NR1D2: variants seen among roughly 807,000 people sequenced by gnomAD.
The protein encoded by NR1D2 is nuclear receptor subfamily 1 group D member 2.
In NR1D2, 25 loss-of-function variants were observed where a neutral mutation model predicts 52.2. The observed-to-expected ratio is 0.48, with a 90% CI of 0.35 to 0.67. The LOEUF (loss-of-function observed/expected upper bound fraction) is 0.67, where lower values mean the gene tolerates loss of function less well. Among genes scored for constraint, NR1D2 ranks in the 30% least tolerant of loss-of-function variants. NR1D2 has a pLI of 0.01. For missense variants in NR1D2, 681 were observed against 707.2 expected, an observed-to-expected ratio of 0.96 and a Z score of 0.42; for synonymous variants, 259 against 230.1, an observed-to-expected ratio of 1.13 and a Z score of -1.14.
chr3:23,980,275 T>C lies in NR1D2; in HGVS notation c.*2856T>C, dbSNP rs1478323398. On this transcript the variant is annotated 3_prime_UTR_variant, in exon 8 of 8. Coordinates refer to ENST00000312521, the MANE Select transcript of NR1D2 (RefSeq NM_005126.5). Reference sequence around the variant, plus strand: ...TAAATACCTATCTCAATTATTCTTTTTCTTTTCCAATATAAAGTTTGCTGA... The same window carrying C: ...TAAATACCTATCTCAATTATTCTTTCTCTTTTCCAATATAAAGTTTGCTGA... 1 of 152,200 alleles carries C rather than the reference T, an allele frequency of 6.6e-6. No individual in the cohort carries two copies. The highest frequency in any genetic ancestry group is 2.4e-5 in the African/African-American group (1 of 41,460). 9.4% of individuals were successfully genotyped at this position (152,200 alleles called of 1,614,324 possible). A position where few individuals can be genotyped will look rare whatever the true frequency, so the allele number is the denominator to read the frequency against.
intron 4 of NR1D2, among the ~76,000 whole-genome samples, chr3:23,960,727 A>C (rs6779476): frequency 0.72 from 109,232 of 152,076 alleles, 39,658 homozygotes; most frequent in Middle Eastern, 0.81. Context: ...AATGCTATAA[A>C]AATAGTTGAT....
At chr3:23,963,753 G>C (rs1217425775) in intron 5 of NR1D2, among the ~76,000 whole-genome samples, 1 of 151,856 alleles carries the variant, frequency 6.6e-6, no homozygotes, top group African/African-American at 2.4e-5. Flanking sequence ...CTGGCCAAGT[G>C]GCTGCCTTAA....
chr3:23,978,779 T>C lies in NR1D2; in HGVS notation c.*1360T>C, dbSNP rs1014227070. 2 of 152,148 alleles carry C rather than the reference T, an allele frequency of 1.3e-5. No individual in the cohort carries two copies. Among genetic ancestry groups the C allele is most frequent in the African/African-American group, 4.8e-5 (2 of 41,456 alleles). 9.4% of individuals were successfully genotyped at this position (152,148 alleles called of 1,614,324 possible). A position where few individuals can be genotyped will look rare whatever the true frequency, so the allele number is the denominator to read the frequency against. On this transcript the variant is annotated 3_prime_UTR_variant, in exon 8 of 8. Coordinates refer to ENST00000312521, the MANE Select transcript of NR1D2 (RefSeq NM_005126.5). The stretch of plus-strand genomic sequence containing the variant: ...ACTACAGGGATTTTGTCATATTAGA[T>C]TTAATTTATAATTTGAAAAATCATC...
intron 1 of NR1D2, among the ~76,000 whole-genome samples, chr3:23,948,794 G>A (rs963464178): frequency 6.6e-6 from 1 of 152,206 alleles, no homozygotes; most frequent in Non-Finnish European, 1.5e-5. Flanking sequence ...GTGCTATAAT[G>A]TACTTTAGCC....
intron 1 of NR1D2, among the ~76,000 whole-genome samples, chr3:23,952,645 G>T (rs1204511715): frequency 6.6e-6 from 1 of 151,484 alleles, no homozygotes; most frequent in African/African-American, 2.4e-5. Flanking sequence ...AGAATCGCAT[G>T]AACCCGGGAG....
At chr3:23,946,204 G>A in intron 1 of NR1D2, 1 of 985,436 alleles carries the variant, frequency 1.0e-6, no homozygotes, top group Non-Finnish European at 1.2e-6. Flanking sequence ...CGTCCCCGAA[G>A]CGGGCGCTGA....
intron 1 of NR1D2, among the ~76,000 whole-genome samples, chr3:23,950,902 C>CTTTTTCTTTT (rs1351954635): frequency 5.7e-5 from 7 of 123,098 alleles, no homozygotes; most frequent in African/African-American, 2.0e-4. Flanking sequence ...CTTTCTTTTT[C>CTTTTTCTTTT]TTTTTTTTTT....
At chr3:23,959,153 A>G (rs1706169981) in intron 3 of NR1D2, among the ~76,000 whole-genome samples, 1 of 151,888 alleles carries the variant, frequency 6.6e-6, no homozygotes, top group Non-Finnish European at 1.5e-5. Flanking sequence ...CTGTAGTCCC[A>G]GCTGTTTGTG....
At chr3:23,964,816 A>T (rs1192645526) in intron 5 of NR1D2, 161 bp from the exon 6 acceptor site, 1 of 554,254 alleles carries the variant, frequency 1.8e-6, no homozygotes, top group Non-Finnish European at 3.2e-6. Context: ...TTTCTACAGT[A>T]TGGTGGGCAG....
intron 2 of NR1D2, among the ~76,000 whole-genome samples, chr3:23,955,501 G>T (rs1242171530): frequency 6.6e-6 from 1 of 152,136 alleles, no homozygotes; most frequent in Non-Finnish European, 1.5e-5. Flanking sequence ...GGTCAGCGAG[G>T]TATTTTTGTC....
chr3:23,959,738 C>G lies in NR1D2; in HGVS notation c.440C>G (p.Ser147Cys). The G allele has an allele frequency of 1.9e-6, 3 of 1,613,802 alleles. No homozygotes were observed. Among genetic ancestry groups the G allele is most frequent in the South Asian group, 1.1e-5 (1 of 91,048 alleles). Residue 147 changes from serine to cysteine, a missense_variant, in exon 4 of 8, where the codon TCT (serine) becomes TGT (cysteine). Physicochemically the swap from Ser to Cys is moderately radical, Grantham distance 112. Around this residue, in one of 3 missense-constraint regions of NR1D2, gnomAD observed 112 missense variants for 162.3 expected, o/e 0.69. Transcript: ENST00000312521. ...YKKCLKNENC[S>C]IMRMNRNRCQ... ...AAGTGCCTGAAGAATGAAAACTGTT[C>G]TATAATGAGAATGAATAGGAACAGA...
chr3:23,975,542 C>A (rs577984425), intron 7 of NR1D2, among the ~76,000 whole-genome samples: 1 of 152,078 alleles, frequency 6.6e-6, no homozygotes, highest in South Asian at 2.1e-4. Flanking sequence ...GAGGCCGAGG[C>A]GGGTGGATCA....
rs780841458 is a variant in NR1D2, at chr3:23,959,825, C to T, written c.517+10C>T. On this transcript the variant is annotated intron_variant, in intron 4 of 7. Transcript: ENST00000312521. ...GGAATGTCAAGAGATGGTATGTTCC[C>T]AGTTTAAAGAGTGTTCCTAAAGTGT... 6.2e-7 allele frequency: 1 copy of T among 1,609,174 alleles called. No homozygotes were observed. Among genetic ancestry groups the T allele is most frequent in the East Asian group, 2.2e-5 (1 of 44,792 alleles).
intron 1 of NR1D2, among the ~76,000 whole-genome samples, chr3:23,948,446 GT>G (rs1266914126): frequency 3.9e-5 from 6 of 152,184 alleles, no homozygotes; most frequent in Non-Finnish European, 8.8e-5. Context: ...GATTCAAAAG[GT>G]AGTGTGGAAA....
chr3:23,963,340 G>A, intron 5 of NR1D2: 1 of 1,333,542 alleles, frequency 7.5e-7, no homozygotes, highest in Non-Finnish European at 9.9e-7. Context: ...GGTAATTAAA[G>A]TCGTCTTTTT....
chr3:23,962,304 A>G lies in NR1D2; in HGVS notation c.845A>G (p.Gln282Arg), dbSNP rs771124740. Residue 282 changes from glutamine (Q) to arginine (R), a missense_variant, in exon 5 of 8, where the codon CAG (glutamine) becomes CGG (arginine). Physicochemically the swap from Gln to Arg is conservative, Grantham distance 43. This residue lies in a region of NR1D2 where 475 missense variants were observed against 454.5 expected (regional missense o/e 1.05). Coordinates refer to ENST00000312521, the MANE Select transcript of NR1D2 (RefSeq NM_005126.5). Reference sequence around the variant, plus strand: ...AACTCAGCTGAGAGCATGCAGCCCCAGAGAGGAGAACGGATTCCCAAGAAC... The same window carrying G: ...AACTCAGCTGAGAGCATGCAGCCCCGGAGAGGAGAACGGATTCCCAAGAAC... ...QENSAESMQP[Q>R]RGERIPKNME... The G allele has an allele frequency of 1.2e-5, 20 of 1,614,120 alleles. No homozygotes were observed. Among genetic ancestry groups the G allele is most frequent in the Non-Finnish European group, 1.5e-5 (18 of 1,180,048 alleles).
intron 1 of NR1D2, among the ~76,000 whole-genome samples, chr3:23,951,705 T>C (rs929965410): frequency 2.6e-5 from 4 of 152,370 alleles, no homozygotes; most frequent in South Asian, 2.1e-4. Context: ...TTGAATTCAC[T>C]GATTGTAGCC....
At chr3:23,965,671 G>A (rs1706423836) in intron 6 of NR1D2, among the ~76,000 whole-genome samples, 1 of 151,638 alleles carries the variant, frequency 6.6e-6, no homozygotes, top group African/African-American at 2.4e-5. Flanking sequence ...GAATTGTTTA[G>A]GATTTTATAT....
chr3:23,954,747 T>C lies in NR1D2; in HGVS notation c.227T>C (p.Met76Thr). ...ILKNDRIDCSMKTSKSSAPGM... is the reference protein window; with the variant it reads ...ILKNDRIDCSTKTSKSSAPGM... The stretch of plus-strand genomic sequence containing the variant: ...AAGAATGATCGAATAGATTGTTCTA[T>C]GAAAACAAGCAAATCGAGTGCACCT... The change falls in exon 2 of 8, where the codon ATG becomes ACG. Residue 76 changes from methionine to threonine, a missense_variant. This residue lies in a region of NR1D2 where 94 missense variants were observed against 90.4 expected (regional missense o/e 1.04). Transcript: ENST00000312521. 1 of 1,614,106 alleles carries C rather than the reference T, an allele frequency of 6.2e-7. No homozygotes were observed. Among genetic ancestry groups the C allele is most frequent in the South Asian group, 1.1e-5 (1 of 91,078 alleles).
Sources: gnomAD v4.1 joint callset for allele counts (sites outside exome capture counted in the v4.1 genomes callset) on GRCh38, gnomAD v4.1.1 for gene constraint, gnomAD v4.1.1 regional missense constraint, MANE v1.5 for transcripts, NCBI Gene and HGNC (gene_info 2026-07-23, HGNC 2026-07-21) for gene names.